SLC17A8: variants seen among roughly 807,000 people sequenced by gnomAD.
SLC17A8 encodes vesicular glutamate transporter 3.
A neutral mutation model predicts 58.0 loss-of-function variants in SLC17A8; 31 were observed. That is an observed-to-expected ratio of 0.53 (90% CI 0.40 to 0.72). The LOEUF is 0.72. SLC17A8 is among the 30% of genes least tolerant of loss of function. The pLI, the probability that SLC17A8 is intolerant of heterozygous loss-of-function variation, is 0.00. For missense variants in SLC17A8, 655 were observed against 727.8 expected (o/e 0.90, Z 1.15); for synonymous variants, 228 against 249.0 (o/e 0.92, Z 0.79).
chr12:100,416,856 A>T (rs1225049739), intron 10 of SLC17A8, among the ~76,000 whole-genome samples: 1 of 152,212 alleles, frequency 6.6e-6, no homozygotes, highest in Non-Finnish European at 1.5e-5. Context: ...TGTAGATGAA[A>T]CTAAGGTTCA....
intron 1 of SLC17A8, among the ~76,000 whole-genome samples, chr12:100,362,034 G>T (rs1952488353): frequency 6.6e-6 from 1 of 152,160 alleles, no homozygotes; most frequent in South Asian, 2.1e-4. Context: ...ATGCCCAGTG[G>T]CCAGATCCAA....
At chr12:100,361,489 ACATGAAG>A (rs1298701847) in intron 1 of SLC17A8, among the ~76,000 whole-genome samples, 6 of 152,154 alleles carry the variant, frequency 3.9e-5, no homozygotes, top group Admixed American at 6.5e-5. Flanking sequence ...TTCTATTTAA[ACATGAAG>A]CTCACCTGCC....
chr12:100,411,813 A>G (rs1354723721), intron 9 of SLC17A8, among the ~76,000 whole-genome samples: 1 of 149,532 alleles, frequency 6.7e-6, no homozygotes, highest in African/African-American at 2.5e-5. Context: ...TTGTTCTGCA[A>G]TATTTTCTGT....
intron 1 of SLC17A8, among the ~76,000 whole-genome samples, chr12:100,362,046 G>C (rs1032382495): frequency 2.6e-5 from 4 of 152,138 alleles, no homozygotes; most frequent in African/African-American, 9.7e-5. Context: ...CAGATCCAAA[G>C]GGGAAGGCTC....
chr12:100,378,751 G>A (rs1489394663), intron 1 of SLC17A8, among the ~76,000 whole-genome samples: 1 of 152,244 alleles, frequency 6.6e-6, no homozygotes, highest in Non-Finnish European at 1.5e-5. Flanking sequence ...TATAAATGCA[G>A]GCCGGCAGGT....
At chr12:100,415,333 G>A (rs1303254809) in intron 10 of SLC17A8, among the ~76,000 whole-genome samples, 1 of 151,098 alleles carries the variant, frequency 6.6e-6, no homozygotes, top group Non-Finnish European at 1.5e-5. Context: ...GGTTGTGGTG[G>A]TATGTGCCTG....
chr12:100,400,259 C>T (rs1461670190), intron 5 of SLC17A8, among the ~76,000 whole-genome samples: 1 of 152,174 alleles, frequency 6.6e-6, no homozygotes, highest in Non-Finnish European at 1.5e-5. Flanking sequence ...ATGAGACCTG[C>T]AGCCCATTTT....
At chr12:100,385,214 T>C (rs905609753) in intron 2 of SLC17A8, among the ~76,000 whole-genome samples, 1 of 148,064 alleles carries the variant, frequency 6.8e-6, no homozygotes, top group Non-Finnish European at 1.5e-5. Context: ...GCCTAGCCTA[T>C]GGCTTTGCTG....
chr12:100,385,233 AT>A (rs397850732), intron 2 of SLC17A8, among the ~76,000 whole-genome samples: 216 of 106,668 alleles, frequency 2.0e-3, no homozygotes, highest in African/African-American at 3.1e-3. Flanking sequence ...TGTCTTAAAC[AT>A]TTTTTTTTTT....
At chr12:100,418,666 G>C (rs886762402) in intron 11 of SLC17A8, among the ~76,000 whole-genome samples, 2 of 152,218 alleles carry the variant, frequency 1.3e-5, no homozygotes, top group African/African-American at 4.8e-5. Context: ...GGTAGAGGCA[G>C]ATCCATCCAG....
intron 1 of SLC17A8, among the ~76,000 whole-genome samples, chr12:100,375,809 T>A (rs1952591039): frequency 6.6e-6 from 1 of 152,208 alleles, no homozygotes; most frequent in Non-Finnish European, 1.5e-5. Flanking sequence ...CATGCATCAA[T>A]CATTGAACAA....
rs1952731079 is a variant in SLC17A8 at position 100,393,467 on chromosome 12, T to C, written c.572T>C (p.Leu191Pro). The C allele has an allele frequency of 5.0e-6, 8 of 1,612,874 alleles. No homozygotes were observed. Among genetic ancestry groups the C allele is most frequent in the Admixed American group, 1.7e-5 (1 of 59,986 alleles). The change falls in exon 4 of 12, where the codon CTG (leucine) becomes CCG (proline). Residue 191 changes from leucine to proline, a missense_variant. Leu to Pro is a moderately conservative substitution (Grantham distance 98, BLOSUM62 -3). Transcript: ENST00000323346. The stretch of plus-strand genomic sequence containing the variant: ...GGATGCGTCATGTGTGTCAGAATTC[T>C]GCAAGGTTTAGTGGAGGTAGGAGAT... Reference protein sequence around the residue: ...HYGCVMCVRILQGLVEGVTYP... With the variant: ...HYGCVMCVRIPQGLVEGVTYP...
intron 4 of SLC17A8, among the ~76,000 whole-genome samples, chr12:100,396,044 G>A (rs547769464): frequency 6.6e-5 from 10 of 152,336 alleles, no homozygotes; most frequent in Admixed American, 3.3e-4. Flanking sequence ...ATGGCAGAAC[G>A]GATGAGGGAG....
At chr12:100,417,948 G>A in intron 10 of SLC17A8, 81 bp from the exon 11 acceptor site, 2 of 1,574,630 alleles carry the variant, frequency 1.3e-6, no homozygotes, top group Non-Finnish European at 1.7e-6. Flanking sequence ...ATTGGTAAAG[G>A]CTGGGGCAAC....
In SLC17A8 at chr12:100,402,730, A is replaced by G; in HGVS notation, c.1038A>G (p.Gly346=). Residue 346 remains glycine, a synonymous_variant, in exon 8 of 12, where the codon GGA becomes GGG. Coordinates refer to ENST00000323346, the MANE Select transcript of SLC17A8 (RefSeq NM_139319.3). ...SQPAYFEEVF[G]FAISKVGLLS... ...CTGCTTATTTTGAAGAGGTCTTTGG[A>G]TTTGCAATAAGTAAGGTAAACACAC... The G allele has an allele frequency of 6.2e-7, 1 of 1,613,876 alleles. No homozygotes were observed. Among genetic ancestry groups the G allele is most frequent in the Non-Finnish European group, 8.5e-7 (1 of 1,179,968 alleles).
At chr12:100,397,561 T>G (rs1185458955) in intron 5 of SLC17A8, among the ~76,000 whole-genome samples, 1 of 152,098 alleles carries the variant, frequency 6.6e-6, no homozygotes, top group Non-Finnish European at 1.5e-5. Flanking sequence ...TCCCTAGGAA[T>G]CAATCAACAA....
At chr12:100,413,575 T>C (rs80298279) in intron 10 of SLC17A8, among the ~76,000 whole-genome samples, 1 of 152,252 alleles carries the variant, frequency 6.6e-6, no homozygotes, top group East Asian at 1.9e-4. Flanking sequence ...CAGTCTACTA[T>C]ATGTGAGAGA....
chr12:100,374,443 C>T (rs1032818549), intron 1 of SLC17A8, among the ~76,000 whole-genome samples: 3 of 152,166 alleles, frequency 2.0e-5, no homozygotes, highest in Non-Finnish European at 2.9e-5. Context: ...GAAACCCTGT[C>T]TCTACTAAAA....
chr12:100,368,690 A>G (rs1052290332), intron 1 of SLC17A8, among the ~76,000 whole-genome samples: 1 of 152,134 alleles, frequency 6.6e-6, no homozygotes, highest in Non-Finnish European at 1.5e-5. Context: ...TCTTAGCTCA[A>G]AAGTGTATTT....
Sources: gnomAD v4.1 joint callset for allele counts (sites outside exome capture counted in the v4.1 genomes callset) on GRCh38, gnomAD v4.1.1 for gene constraint, MANE v1.5 for transcripts, NCBI Gene and HGNC (gene_info 2026-07-23, HGNC 2026-07-21) for gene names.